Variants in CUX2 observed in about 807,000 individuals in gnomAD.
CUX2 encodes the protein homeobox protein cut-like 2.
CUX2 carries 40 observed loss-of-function variants against 144.8 expected under a neutral mutation model. The observed-to-expected ratio is 0.28, with a 90% CI of 0.21 to 0.36. CUX2 has a LOEUF of 0.36. CUX2 is among the 10% of genes least tolerant of loss of function. The pLI, the probability that CUX2 is intolerant of heterozygous loss-of-function variation, is 1.00. For missense variants in CUX2, 1,615 were observed against 1,994.0 expected, an observed-to-expected ratio of 0.81 and a Z score of 3.62; for synonymous variants, 827 against 875.6, an observed-to-expected ratio of 0.94 and a Z score of 0.98.
intron 18 of CUX2, among the ~76,000 whole-genome samples, chr12:111,328,116 G>A (rs1887903724): frequency 6.6e-6 from 1 of 152,126 alleles, no homozygotes; most frequent in Non-Finnish European, 1.5e-5. Context: ...TGTAGCTGCT[G>A]GCCCTAGGGA....
chr12:111,073,947 C>A (rs1315679765), intron 1 of CUX2, among the ~76,000 whole-genome samples: 1 of 151,726 alleles, frequency 6.6e-6, no homozygotes, highest in Non-Finnish European at 1.5e-5. Flanking sequence ...CAGAGGGATA[C>A]CTCATCTCAG....
At chr12:111,249,930 A>T (rs1363723079) in intron 3 of CUX2, among the ~76,000 whole-genome samples, 2 of 152,118 alleles carry the variant, frequency 1.3e-5, no homozygotes, top group Non-Finnish European at 2.9e-5. Context: ...AGACACAATT[A>T]TTCACTATAG....
intron 1 of CUX2, among the ~76,000 whole-genome samples, chr12:111,141,082 A>C (rs1876283637): frequency 1.3e-5 from 2 of 152,298 alleles, no homozygotes; most frequent in Non-Finnish European, 2.9e-5. Flanking sequence ...GCCTTAGAAG[A>C]GCCTCCTCTG....
In CUX2 at chr12:111,338,523, C is replaced by T. The variant is rs139870124; in HGVS notation, c.3385+49C>T. 9.3e-4 allele frequency: 1,439 copies of T among 1,543,474 alleles called. 11 individuals are homozygous for T. In the African/African-American group the frequency reaches 0.016, roughly 17 times the overall value. ...CCCCAGCACTGGGTCTCAGATTTTC[C>T]CCAGAACCATATCTAGCTGTAACCC... On this transcript the variant is annotated intron_variant, in intron 20 of 21. Coordinates refer to ENST00000261726, the MANE Select transcript of CUX2 (RefSeq NM_015267.4).
chr12:111,181,173 C>T (rs1369486813), intron 1 of CUX2, among the ~76,000 whole-genome samples: 4 of 152,204 alleles, frequency 2.6e-5, no homozygotes, highest in East Asian at 1.9e-4. Context: ...CTGTCAGAGG[C>T]GGTTTGTGCA....
chr12:111,336,720 T>C (rs1888371169), intron 19 of CUX2, among the ~76,000 whole-genome samples: 1 of 151,602 alleles, frequency 6.6e-6, no homozygotes, highest in South Asian at 2.1e-4. Context: ...AATGCAGGGG[T>C]TACAGGTGTG....
At chr12:111,323,322 A>AG (rs1359297653) in intron 18 of CUX2, among the ~76,000 whole-genome samples, 1 of 152,246 alleles carries the variant, frequency 6.6e-6, no homozygotes, top group Non-Finnish European at 1.5e-5. Flanking sequence ...TCTCAGGTTC[A>AG]CAGAAACGAG....
chr12:111,151,415 G>A (rs540099217), intron 1 of CUX2, among the ~76,000 whole-genome samples: 1 of 152,326 alleles, frequency 6.6e-6, no homozygotes, highest in South Asian at 2.1e-4. Flanking sequence ...GGCCTCATCA[G>A]TTTTACATTG....
chr12:111,064,001 A>G (rs1870919328), intron 1 of CUX2, among the ~76,000 whole-genome samples: 1 of 152,194 alleles, frequency 6.6e-6, no homozygotes, highest in Non-Finnish European at 1.5e-5. Flanking sequence ...TTCTCTGGGA[A>G]ATATTTGCTT....
chr12:111,152,674 A>C (rs2136138554), intron 1 of CUX2, among the ~76,000 whole-genome samples: 1 of 152,346 alleles, frequency 6.6e-6, no homozygotes, highest in East Asian at 1.9e-4. Flanking sequence ...GTGAAAGCAA[A>C]AACCATTTGC....
intron 16 of CUX2, among the ~76,000 whole-genome samples, chr12:111,318,238 C>CTTTTTTTTTTTTT (rs955839240): frequency 3.6e-5 from 4 of 109,646 alleles, no homozygotes; most frequent in South Asian, 3.4e-4. Context: ...ATTTTTTTTT[C>CTTTTTTTTTTTTT]TTTTTTCTTT....
chr12:111,093,703 C>T (rs537945543), intron 1 of CUX2, among the ~76,000 whole-genome samples: 154 of 152,238 alleles, frequency 1.0e-3, no homozygotes, highest in Non-Finnish European at 2.0e-3. Context: ...GTGGGTGAAG[C>T]GCCTGTCGCT....
chr12:111,315,373 A>C (rs1887136705), intron 16 of CUX2, among the ~76,000 whole-genome samples: 1 of 152,232 alleles, frequency 6.6e-6, no homozygotes, highest in South Asian at 2.1e-4. Context: ...AAAGCAGATA[A>C]TATCCCTTTA....
intron 3 of CUX2, among the ~76,000 whole-genome samples, chr12:111,230,801 T>C (rs1263772355): frequency 6.6e-6 from 1 of 152,202 alleles, no homozygotes; most frequent in Non-Finnish European, 1.5e-5. Flanking sequence ...CCCTGATCTG[T>C]AGCATCTGCT....
intron 1 of CUX2, among the ~76,000 whole-genome samples, chr12:111,076,152 T>G (rs1871526275): frequency 6.6e-6 from 1 of 152,198 alleles, no homozygotes; most frequent in Non-Finnish European, 1.5e-5. Context: ...TAAAGCCTTG[T>G]GCACTGGAGA....
In CUX2 at chr12:111,307,399, C is replaced by A; in HGVS notation, c.1109+142C>A. On this transcript the variant is annotated intron_variant, in intron 12 of 21. Transcript: ENST00000261726. The surrounding 1 kb of genome is among the most constrained non-coding windows in gnomAD (Gnocchi z 4.1). Reference sequence around the variant, plus strand: ...AACACTGTGGATATCAAACCTTAACCATCCTCAGGCCAGGTGCAGTGGCTC... The same window carrying A: ...AACACTGTGGATATCAAACCTTAACAATCCTCAGGCCAGGTGCAGTGGCTC... 1.3e-6 allele frequency: 1 copy of A among 747,604 alleles called. No individual in the cohort carries two copies. The highest frequency in any genetic ancestry group is 1.8e-5 in the South Asian group (1 of 55,514). 46.3% of individuals were successfully genotyped at this position (747,604 alleles called of 1,614,324 possible).
Position 111,338,308 on chromosome 12 carries a change from C to T in CUX2, c.3219C>T (p.Ser1073=). 1 of 1,611,154 alleles carries T rather than the reference C, an allele frequency of 6.2e-7. No homozygotes were observed. The highest frequency in any genetic ancestry group is 1.3e-5 in the African/African-American group (1 of 74,974). Residue 1073 remains serine (S), a synonymous_variant, in exon 20 of 22, where the codon AGC becomes AGT. Coordinates refer to ENST00000261726, the MANE Select transcript of CUX2 (RefSeq NM_015267.4). ...NNLGQRLFGE[S]ILGLTQGSVS... Reference sequence around the variant, plus strand: ...CAGGGCAGCGGCTGTTTGGGGAAAGCATCCTGGGTCTGACACAGGGCTCCG... The same window carrying T: ...CAGGGCAGCGGCTGTTTGGGGAAAGTATCCTGGGTCTGACACAGGGCTCCG...
Position 111,217,107 on chromosome 12 carries a change from C to T in CUX2, c.175-783C>T, listed in dbSNP as rs1881579976. On this transcript the variant is annotated intron_variant, in intron 2 of 21. Coordinates refer to ENST00000261726, the MANE Select transcript of CUX2 (RefSeq NM_015267.4). ...CTCTTACGTGCCGGGGAGAAGAATA[C>T]ATAGGAGTTTGCCAGGCTAGCCCAA... is the stretch of plus-strand genomic sequence containing the variant. Among the ~76,000 whole-genome samples, 6 of 152,098 alleles carry T rather than the reference C, an allele frequency of 3.9e-5. No individual in the cohort carries two copies. In the South Asian group the frequency reaches 1.2e-3, roughly 32 times the overall value.
rs572759243 is a variant in CUX2, at chr12:111,127,074, A to C, written c.64-87126A>C. Among the ~76,000 whole-genome samples the C allele has an allele frequency of 3.7e-3, 566 of 152,378 alleles. 2 individuals are homozygous for C. Among genetic ancestry groups the C allele is most frequent in the Non-Finnish European group, 5.0e-3 (341 of 68,038 alleles). ...TATGTTACCTAATAAGGGAATGAGA[A>C]GAAAGAAAACAAAGATAATTGCTTA... On this transcript the variant is annotated intron_variant, in intron 1 of 21. Transcript: ENST00000261726.
Sources: gnomAD v4.1 joint callset for allele counts (sites outside exome capture counted in the v4.1 genomes callset) on GRCh38, gnomAD v4.1.1 for gene constraint, Gnocchi (gnomAD v3.1) non-coding constraint, MANE v1.5 for transcripts, NCBI Gene and HGNC (gene_info 2026-07-23, HGNC 2026-07-21) for gene names.